ULK4: variants seen among roughly 807,000 people sequenced by gnomAD.
The protein encoded by ULK4 is inactive serine/threonine-protein kinase ULK4.
A neutral mutation model predicts 160.6 loss-of-function variants in ULK4; 133 were observed. That is an observed-to-expected ratio of 0.83 (90% CI 0.72 to 0.96). ULK4 has a LOEUF of 0.96. Among genes scored for constraint, ULK4 ranks in the 40% least tolerant of loss-of-function variants. The probability of loss-of-function intolerance (pLI) is 0.00; values close to 1 mark genes in which losing one functional copy is unlikely to be tolerated. For missense variants in ULK4, 1,580 were observed against 1,499.5 expected (o/e 1.05, Z -0.89); for synonymous variants, 534 against 539.8 (o/e 0.99, Z 0.15).
chr3:41,786,203 T>A (rs1281063290), intron 21 of ULK4, among the ~76,000 whole-genome samples: 1 of 152,174 alleles, frequency 6.6e-6, no homozygotes, highest in Non-Finnish European at 1.5e-5. Flanking sequence ...TGTTAGGGCA[T>A]AAGCACTTAT....
chr3:41,386,533 A>G (rs1030259593), intron 35 of ULK4, among the ~76,000 whole-genome samples: 1 of 152,142 alleles, frequency 6.6e-6, no homozygotes, highest in Admixed American at 6.6e-5. Flanking sequence ...CAGAGGGAGA[A>G]TTGGAGCCAC....
At chr3:41,821,301 A>C (rs2041135906) in intron 18 of ULK4, among the ~76,000 whole-genome samples, 1 of 152,132 alleles carries the variant, frequency 6.6e-6, no homozygotes, top group African/African-American at 2.4e-5. Flanking sequence ...TCCATTACTT[A>C]CTTGGGATCA....
chr3:41,744,912 C>G (rs569408294), intron 22 of ULK4, among the ~76,000 whole-genome samples: 9 of 151,548 alleles, frequency 5.9e-5, no homozygotes, highest in Admixed American at 2.6e-4. Flanking sequence ...ATAATGACAA[C>G]AGAAAAATCT....
At chr3:41,308,155 G>A (rs999690679) in intron 35 of ULK4, among the ~76,000 whole-genome samples, 3 of 152,110 alleles carry the variant, frequency 2.0e-5, no homozygotes, top group Admixed American at 6.5e-5. Context: ...CTATGGCCTG[G>A]CTTGTATATG....
intron 35 of ULK4, among the ~76,000 whole-genome samples, chr3:41,336,588 CAGA>C (rs1280257929): frequency 6.6e-6 from 1 of 152,188 alleles, no homozygotes; most frequent in African/African-American, 2.4e-5. Flanking sequence ...TTCAAAGGCG[CAGA>C]AGAAGAAACA....
intron 29 of ULK4, among the ~76,000 whole-genome samples, chr3:41,678,511 CAGAGT>C (rs1469460437): frequency 2.0e-5 from 3 of 152,078 alleles, no homozygotes; most frequent in Admixed American, 6.6e-5. Flanking sequence ...TAGATGTAGG[CAGAGT>C]AAAGAGATGG....
intron 30 of ULK4, among the ~76,000 whole-genome samples, chr3:41,638,312 C>T (rs1257955299): frequency 6.6e-6 from 1 of 152,072 alleles, no homozygotes; most frequent in Admixed American, 6.6e-5. Flanking sequence ...TTTGGGCCTA[C>T]TCTCTGTCGG....
intron 21 of ULK4, among the ~76,000 whole-genome samples, chr3:41,786,074 G>C (rs2125588302): frequency 6.6e-6 from 1 of 152,218 alleles, no homozygotes; most frequent in South Asian, 2.1e-4. Flanking sequence ...AATAATGTGT[G>C]GCTCCACTCC....
At chr3:41,510,731 T>C (rs192326111) in intron 32 of ULK4, among the ~76,000 whole-genome samples, 27 of 152,272 alleles carry the variant, frequency 1.8e-4, no homozygotes, top group Middle Eastern at 3.4e-3. Context: ...TCCTGAATGA[T>C]CATTGGGCTA....
rs373701143 is a variant in ULK4 at position 41,406,185 on chromosome 3, T to C, written c.3493-7921A>G. ...TGGTCAAGTTTCATTCTTTTGCATATGGCTAGCCAGCTATTCCAGCACCAT... is the reference window on the plus strand; with the variant it reads ...TGGTCAAGTTTCATTCTTTTGCATACGGCTAGCCAGCTATTCCAGCACCAT... On this transcript the variant is annotated intron_variant, in intron 34 of 36. Coordinates refer to ENST00000301831, the MANE Select transcript of ULK4 (RefSeq NM_017886.4). 4.6e-5 allele frequency among the ~76,000 whole-genome samples: 7 copies of C among 152,354 alleles called. No individual in the cohort carries two copies. In the East Asian group the frequency reaches 9.6e-4, roughly 21 times the overall value.
At chr3:41,874,272 CATA>C in intron 17 of ULK4, among the ~76,000 whole-genome samples, 1 of 152,238 alleles carries the variant, frequency 6.6e-6, no homozygotes, top group African/African-American at 2.4e-5. Flanking sequence ...AAGTGGAGCA[CATA>C]ATATCACAGC....
At chr3:41,913,630 G>A (rs1048838339) in intron 8 of ULK4, among the ~76,000 whole-genome samples, 2 of 152,130 alleles carry the variant, frequency 1.3e-5, no homozygotes, top group African/African-American at 4.8e-5. Flanking sequence ...ACACATTTAA[G>A]TTTTGGAACT....
chr3:41,547,900 C>T (rs1013136358), intron 32 of ULK4, among the ~76,000 whole-genome samples: 1 of 152,162 alleles, frequency 6.6e-6, no homozygotes, highest in African/African-American at 2.4e-5. Flanking sequence ...TTGGGACAAA[C>T]GGAGCCAAAA....
chr3:41,506,832 C>T (rs2085409195), intron 32 of ULK4, among the ~76,000 whole-genome samples: 1 of 101,788 alleles, frequency 9.8e-6, no homozygotes, highest in Non-Finnish European at 1.9e-5. Context: ...ATTATTTTTA[C>T]CAAAAAGATA....
intron 35 of ULK4, among the ~76,000 whole-genome samples, chr3:41,360,683 CGT>C (rs1209327602): frequency 6.6e-6 from 1 of 152,118 alleles, no homozygotes; most frequent in Non-Finnish European, 1.5e-5. Flanking sequence ...CCAAATACCA[CGT>C]GTTTTCAATT....
chr3:41,859,479 G>C lies in ULK4; in HGVS notation c.1657-23508C>G, dbSNP rs1385545729. On this transcript the variant is annotated intron_variant, in intron 17 of 36. Transcript: ENST00000301831. The stretch of plus-strand genomic sequence containing the variant: ...AGAAACCTGGACAGGTCACCAATAT[G>C]GTAATGATAACTTCCCAGTAAGGAC... 2.7e-5 allele frequency: 15 copies of C among 549,000 alleles called. No homozygotes were observed. In the Admixed American group the frequency reaches 2.9e-4, roughly 11 times the overall value. 34.0% of individuals were successfully genotyped at this position (549,000 alleles called of 1,614,324 possible).
At chr3:41,722,892 T>C (rs549982769) in intron 22 of ULK4, among the ~76,000 whole-genome samples, 29 of 152,288 alleles carry the variant, frequency 1.9e-4, no homozygotes, top group African/African-American at 7.0e-4. Flanking sequence ...AGAGACACTG[T>C]TGCATCTGTC....
At chr3:41,867,562 G>A (rs998520112) in intron 17 of ULK4, among the ~76,000 whole-genome samples, 1 of 152,152 alleles carries the variant, frequency 6.6e-6, no homozygotes, top group African/African-American at 2.4e-5. Context: ...AGTAGACAGG[G>A]TTTCTACTAA....
intron 29 of ULK4, among the ~76,000 whole-genome samples, chr3:41,673,627 A>C (rs2035608827): frequency 6.6e-6 from 1 of 152,168 alleles, no homozygotes; most frequent in African/African-American, 2.4e-5. Flanking sequence ...AAATATTGTA[A>C]GCACATTTAT....
Sources: gnomAD v4.1 joint callset for allele counts (sites outside exome capture counted in the v4.1 genomes callset) on GRCh38, gnomAD v4.1.1 for gene constraint, MANE v1.5 for transcripts, NCBI Gene and HGNC (gene_info 2026-07-23, HGNC 2026-07-21) for gene names.